Variants in SUSD1 observed in about 807,000 individuals in gnomAD.
SUSD1 encodes the protein sushi domain containing 1.
In SUSD1, 65 loss-of-function variants were observed where a neutral mutation model predicts 86.9. The observed-to-expected ratio is 0.75, with a 90% confidence interval of 0.61 to 0.92. The LOEUF is 0.92. Ranked by LOEUF, SUSD1 falls within the 40% of genes least tolerant of loss-of-function variation. The pLI, the probability that SUSD1 is intolerant of heterozygous loss-of-function variation, is 0.00. For synonymous variants in SUSD1, 346 were observed against 350.0 expected (o/e 0.99, Z 0.13); for missense variants, 850 against 929.7 (o/e 0.91, Z 1.11).
At chr9:112,074,847 TG>T (rs528710521) in intron 12 of SUSD1, among the ~76,000 whole-genome samples, 4 of 152,062 alleles carry the variant, frequency 2.6e-5, no homozygotes, top group Admixed American at 2.6e-4. Flanking sequence ...GATTTTTTTA[TG>T]CTTCTTTAAA....
At chr9:112,135,583 C>T (rs1269052936) in intron 5 of SUSD1, among the ~76,000 whole-genome samples, 1 of 152,174 alleles carries the variant, frequency 6.6e-6, no homozygotes, top group Admixed American at 6.6e-5. Flanking sequence ...CAAAAGATAA[C>T]ATTAAAACTC....
chr9:112,104,469 A>T (rs796170355), intron 8 of SUSD1, among the ~76,000 whole-genome samples: 4 of 152,310 alleles, frequency 2.6e-5, no homozygotes, highest in African/African-American at 7.2e-5. Flanking sequence ...AAGGACTTCG[A>T]AGTAGAGGCC....
At position 112,092,140 on chromosome 9, in the gene SUSD1, G is replaced by A. The variant is rs547160861; in HGVS notation, c.1474+6330C>T. Among the ~76,000 whole-genome samples, 147 of 152,308 alleles carry A rather than the reference G, an allele frequency of 9.7e-4. 1 individual carries two copies. Among genetic ancestry groups the A allele is most frequent in the African/African-American group, 3.3e-3 (136 of 41,568 alleles). On this transcript the variant is annotated intron_variant, in intron 10 of 16. Coordinates refer to ENST00000374270, the MANE Select transcript of SUSD1 (RefSeq NM_022486.5). ...ACCAAACATTCATCAAATCTCAGTT[G>A]AGGGAAACAATATTTAGAAAACAAT... is the stretch of plus-strand genomic sequence containing the variant.
chr9:112,116,469 A>G (rs2131663883), intron 6 of SUSD1, among the ~76,000 whole-genome samples: 1 of 152,364 alleles, frequency 6.6e-6, no homozygotes, highest in African/African-American at 2.4e-5. Context: ...AATAGTGCTG[A>G]TAACTGAAAA....
intron 1 of SUSD1, chr9:112,173,644 GC>G: frequency 2.2e-6 from 1 of 461,410 alleles, no homozygotes. Context: ...CACAGCCTGA[GC>G]CCCTTGGCAA....
At chr9:112,076,923 C>G (rs146599814) in intron 12 of SUSD1, among the ~76,000 whole-genome samples, 42 of 152,198 alleles carry the variant, frequency 2.8e-4, no homozygotes, top group South Asian at 1.7e-3. Flanking sequence ...AAACGAAGAG[C>G]CTTTCAGTAA....
intron 9 of SUSD1, among the ~76,000 whole-genome samples, 156 bp downstream of exon 9, chr9:112,102,020 A>G (rs1671042947): frequency 6.6e-6 from 1 of 152,230 alleles, no homozygotes; most frequent in African/African-American, 2.4e-5. Context: ...TACCTCATTT[A>G]CACCCATCTC....
chr9:112,103,257 C>T, intron 8 of SUSD1: 1 of 346,372 alleles, frequency 2.9e-6, no homozygotes, highest in South Asian at 2.4e-5. Context: ...ACAAGGCAGC[C>T]AGCTGGGGAA....
rs555916417 is a variant in SUSD1 at position 112,122,455 on chromosome 9, C to T, written c.886+1802G>A. On this transcript the variant is annotated intron_variant, in intron 6 of 16. Transcript: ENST00000374270. ...GATTACAGGTGTGAGCCACTGCACC[C>T]GGCTAATTTTTGTATTTTTAGTAGA... Among the ~76,000 whole-genome samples the T allele has an allele frequency of 3.9e-5, 6 of 152,086 alleles. 1 individual carries two copies. The highest frequency in any genetic ancestry group is 1.4e-4 in the African/African-American group (6 of 41,486).
At chr9:112,145,871 C>T (rs1385086401) in intron 3 of SUSD1, 1 of 152,112 alleles carries the variant, frequency 6.6e-6, no homozygotes, top group Non-Finnish European at 1.5e-5. Context: ...GGGGGCAGTT[C>T]TAAGGGCCAG....
intron 15 of SUSD1, among the ~76,000 whole-genome samples, chr9:112,047,784 G>T (rs190944895): frequency 6.6e-6 from 1 of 152,090 alleles, no homozygotes; most frequent in Non-Finnish European, 1.5e-5. Context: ...GTATATACCT[G>T]CTGGCTTTTC....
At chr9:112,102,758 C>T (rs1830681875) in intron 8 of SUSD1, among the ~76,000 whole-genome samples, 1 of 152,146 alleles carries the variant, frequency 6.6e-6, no homozygotes, top group Non-Finnish European at 1.5e-5. Context: ...TGCTTTCCAA[C>T]CTAGAAAATA....
rs181640590 is a variant in SUSD1 at position 112,166,642 on chromosome 9, G to A, written c.103+8491C>T. 1.1e-4 allele frequency among the ~76,000 whole-genome samples: 17 copies of A among 152,308 alleles called. No individual in the cohort carries two copies. The East Asian group carries it at 3.1e-3, about 28-fold the overall frequency. On this transcript the variant is annotated intron_variant, in intron 1 of 16. Transcript: ENST00000374270. ...ATGTAATAGAATAACCCAAGGGAGA[G>A]GAATTCTCCAGGCCAGAGAAAGATC...
chr9:112,134,271 C>A (rs116800217), intron 5 of SUSD1, among the ~76,000 whole-genome samples: 139 of 152,300 alleles, frequency 9.1e-4, no homozygotes, highest in African/African-American at 3.1e-3. Context: ...CTTATATGTT[C>A]ATCGCTGCAC....
At chr9:112,117,313 C>A (rs551277474) in intron 6 of SUSD1, among the ~76,000 whole-genome samples, 1 of 152,238 alleles carries the variant, frequency 6.6e-6, no homozygotes, top group East Asian at 1.9e-4. Flanking sequence ...GGAGTGCCCA[C>A]GGCATCAGGA....
intron 12 of SUSD1, among the ~76,000 whole-genome samples, chr9:112,065,503 C>T (rs779739662): frequency 1.3e-5 from 2 of 151,824 alleles, no homozygotes; most frequent in Non-Finnish European, 2.9e-5. Context: ...CCAGCCTGGG[C>T]GAAAAAGTGA....
At chr9:112,155,551 G>A (rs895918206) in intron 2 of SUSD1, among the ~76,000 whole-genome samples, 2 of 152,132 alleles carry the variant, frequency 1.3e-5, no homozygotes. Flanking sequence ...CAAAGTGAAA[G>A]GTGACTTTTT....
At chr9:112,099,604 C>A (rs1830541349) in intron 9 of SUSD1, among the ~76,000 whole-genome samples, 1 of 152,158 alleles carries the variant, frequency 6.6e-6, no homozygotes, top group South Asian at 2.1e-4. Flanking sequence ...GCACTGCCAG[C>A]TCCAGCAGGG....
intron 13 of SUSD1, among the ~76,000 whole-genome samples, chr9:112,059,945 C>T (rs1367202148): frequency 5.9e-5 from 9 of 152,022 alleles, no homozygotes; most frequent in African/African-American, 1.5e-4. Flanking sequence ...CCCCAACCCC[C>T]GCCCTGCCCC....
Sources: allele counts gnomAD v4.1 joint callset (sites outside exome capture counted in the v4.1 genomes callset), GRCh38; gene constraint gnomAD v4.1.1; transcripts MANE v1.5; gene names NCBI Gene and HGNC (gene_info 2026-07-23, HGNC 2026-07-21).